NKAIN2: variants seen among roughly 807,000 people sequenced by gnomAD.
NKAIN2 encodes the protein sodium/potassium-transporting ATPase subunit beta-1-interacting protein 2.
A neutral mutation model predicts 32.6 loss-of-function variants in NKAIN2; 14 were observed. The ratio of observed to expected loss-of-function variants is 0.43; its 90% CI spans 0.28 to 0.67. NKAIN2 has a LOEUF of 0.67. Ranked by LOEUF, NKAIN2 falls within the 30% of genes least tolerant of loss-of-function variation. The probability of loss-of-function intolerance (pLI) is 0.17; values close to 1 mark genes in which losing one functional copy is unlikely to be tolerated. For missense variants in NKAIN2, 198 were observed against 258.3 expected, an observed-to-expected ratio of 0.77 and a Z score of 1.60; for synonymous variants, 80 against 87.2, an observed-to-expected ratio of 0.92 and a Z score of 0.46.
At chr6:124,652,525 G>A (rs954136749) in intron 3 of NKAIN2, among the ~76,000 whole-genome samples, 1 of 152,016 alleles carries the variant, frequency 6.6e-6, no homozygotes, top group African/African-American at 2.4e-5. Context: ...AATTCCTCTG[G>A]TACCAGTTTT....
At chr6:124,305,183 A>G (rs1377559951) in intron 2 of NKAIN2, among the ~76,000 whole-genome samples, 1 of 152,210 alleles carries the variant, frequency 6.6e-6, no homozygotes, top group Non-Finnish European at 1.5e-5. Context: ...TTAGAGAGAT[A>G]TTCCCATCAA....
At chr6:124,229,722 G>C (rs1409675177) in intron 1 of NKAIN2, among the ~76,000 whole-genome samples, 2 of 152,046 alleles carry the variant, frequency 1.3e-5, no homozygotes, top group African/African-American at 4.8e-5. Context: ...TTAAAAATGG[G>C]AGTTTCCCTG....
intron 3 of NKAIN2, among the ~76,000 whole-genome samples, chr6:124,513,304 G>A (rs555196389): frequency 5.9e-5 from 9 of 152,108 alleles, no homozygotes; most frequent in Admixed American, 1.3e-4. Flanking sequence ...TAAAAAAGGC[G>A]GGTTCTCTTG....
intron 3 of NKAIN2, among the ~76,000 whole-genome samples, chr6:124,365,812 T>C (rs988308124): frequency 1.3e-5 from 2 of 152,106 alleles, no homozygotes; most frequent in Non-Finnish European, 2.9e-5. Context: ...TCAGCAAGTA[T>C]TGTCTGACAA....
chr6:124,096,410 C>CAAT (rs1301507043), intron 1 of NKAIN2, among the ~76,000 whole-genome samples: 1 of 152,180 alleles, frequency 6.6e-6, no homozygotes, highest in Non-Finnish European at 1.5e-5. Context: ...ATGGCTTTAC[C>CAAT]AACCCCTGTT....
At chr6:123,957,514 A>G (rs1777649972) in intron 1 of NKAIN2, among the ~76,000 whole-genome samples, 1 of 152,210 alleles carries the variant, frequency 6.6e-6, no homozygotes, top group African/African-American at 2.4e-5. Flanking sequence ...TTGTTAACAG[A>G]TCTAGATCAA....
At chr6:124,569,511 C>T (rs187834994) in intron 3 of NKAIN2, among the ~76,000 whole-genome samples, 10 of 152,086 alleles carry the variant, frequency 6.6e-5, no homozygotes, top group African/African-American at 1.9e-4. Flanking sequence ...AGGGACCCAG[C>T]GGGAGGTAAT....
rs984980718 is a variant in NKAIN2 at position 124,330,905 on chromosome 6, C to CGT, written c.193-24360_193-24359dup. 5.7e-4 allele frequency among the ~76,000 whole-genome samples: 87 copies of CGT among 151,954 alleles called. 1 individual carries two copies. The highest frequency in any genetic ancestry group is 8.7e-4 in the Non-Finnish European group (59 of 67,962). ...TTGTGCATGCAAGAGATCTAGGTTG[C>CGT]GTGCTCCTTATGAGAATCTAAGTAA... On this transcript the variant is annotated intron_variant, in intron 2 of 6. Coordinates refer to ENST00000368417, the MANE Select transcript of NKAIN2 (RefSeq NM_001040214.3).
intron 1 of NKAIN2, among the ~76,000 whole-genome samples, chr6:124,118,529 G>A (rs964938964): frequency 6.6e-6 from 1 of 152,070 alleles, no homozygotes; most frequent in East Asian, 1.9e-4. Flanking sequence ...CTCGTAGGGA[G>A]CACTGTGGTG....
At position 123,971,211 on chromosome 6, in the gene NKAIN2, C is replaced by T. The variant is rs963525726; in HGVS notation, c.54+166957C>T. On this transcript the variant is annotated intron_variant, in intron 1 of 6. Transcript: ENST00000368417. ...TCAGAGAGTACTCAGGGCCAGGTGA[C>T]AGTGGAACTAATGCTCTAGTAGCTA... Among the ~76,000 whole-genome samples, 10 of 152,162 alleles carry T rather than the reference C, an allele frequency of 6.6e-5. No individual in the cohort carries two copies. In the East Asian group the frequency reaches 1.7e-3, roughly 26 times the overall value.
chr6:124,111,182 T>C (rs1423834666), intron 1 of NKAIN2, among the ~76,000 whole-genome samples: 6 of 152,096 alleles, frequency 3.9e-5, no homozygotes, highest in Admixed American at 2.0e-4. Context: ...GTGTGTATTC[T>C]GCTCCTGTTT....
chr6:124,706,288 C>A (rs1381333359), intron 4 of NKAIN2, among the ~76,000 whole-genome samples: 2 of 152,070 alleles, frequency 1.3e-5, no homozygotes, highest in Non-Finnish European at 2.9e-5. Context: ...TTATCTCTAT[C>A]TTACAGATGA....
chr6:124,153,934 C>CTTTT (rs57291995), intron 1 of NKAIN2, among the ~76,000 whole-genome samples: 1 of 146,946 alleles, frequency 6.8e-6, no homozygotes, highest in African/African-American at 2.5e-5. Context: ...TTATCTATTC[C>CTTTT]TTTTTTTTTT....
intron 1 of NKAIN2, among the ~76,000 whole-genome samples, chr6:124,067,203 G>A (rs1405521081): frequency 6.6e-6 from 1 of 152,036 alleles, no homozygotes; most frequent in Non-Finnish European, 1.5e-5. Flanking sequence ...TGACAGCTGG[G>A]CACCCTTCCT....
intron 2 of NKAIN2, among the ~76,000 whole-genome samples, chr6:124,287,625 C>T (rs1435508586): frequency 2.6e-5 from 4 of 152,066 alleles, no homozygotes; most frequent in African/African-American, 7.2e-5. Flanking sequence ...AAGAATCAAT[C>T]TTGTATCTCA....
chr6:124,794,358 GT>G (rs1303453039), intron 5 of NKAIN2, among the ~76,000 whole-genome samples: 1 of 152,110 alleles, frequency 6.6e-6, no homozygotes. Flanking sequence ...CCTAAATCAA[GT>G]TTTGGCCAAA....
intron 1 of NKAIN2, among the ~76,000 whole-genome samples, chr6:124,160,027 T>C (rs1334019500): frequency 1.3e-5 from 2 of 152,270 alleles, no homozygotes; most frequent in Non-Finnish European, 2.9e-5. Flanking sequence ...AAGCTTATTC[T>C]GAGTAAAGCA....
At chr6:124,166,514 T>G (rs1169670334) in intron 1 of NKAIN2, among the ~76,000 whole-genome samples, 2 of 150,730 alleles carry the variant, frequency 1.3e-5, no homozygotes, top group Non-Finnish European at 1.5e-5. Flanking sequence ...AGAAGCTCTT[T>G]AGTTTCATTA....
intron 1 of NKAIN2, among the ~76,000 whole-genome samples, chr6:123,844,930 CCAAA>C (rs1775029418): frequency 6.6e-6 from 1 of 151,996 alleles, no homozygotes; most frequent in African/African-American, 2.4e-5. Context: ...ACAAGTAAAG[CCAAA>C]CAAAATTACT....
Sources: gnomAD v4.1 joint callset for allele counts (sites outside exome capture counted in the v4.1 genomes callset) on GRCh38, gnomAD v4.1.1 for gene constraint, MANE v1.5 for transcripts, NCBI Gene and HGNC (gene_info 2026-07-23, HGNC 2026-07-21) for gene names.